The following ZNF845 variants were observed in gnomAD, a reference collection of about 807,000 sequenced individuals.
The protein encoded by ZNF845 is zinc finger protein 845.
In ZNF845, 59 loss-of-function variants were observed where a neutral mutation model predicts 76.1. The ratio of observed to expected loss-of-function variants is 0.78; its 90% CI spans 0.63 to 0.96. ZNF845 has a LOEUF of 0.96. Ranked by LOEUF, ZNF845 falls within the 40% of genes least tolerant of loss-of-function variation. The probability of loss-of-function intolerance (pLI) is 0.00; values close to 1 mark genes in which losing one functional copy is unlikely to be tolerated. For synonymous variants in ZNF845, 361 were observed against 386.9 expected, an observed-to-expected ratio of 0.93 and a Z score of 0.78; for missense variants, 1,045 against 1,172.8, an observed-to-expected ratio of 0.89 and a Z score of 1.59.
rs543460835 is a variant in ZNF845 at position 53,351,113 on chromosome 19, G to C, written c.438G>C (p.Ser146=). Residue 146 remains serine (S), a synonymous_variant, in exon 4 of 4, where the codon TCG becomes TCC. Coordinates refer to ENST00000458035, the MANE Select transcript of ZNF845 (RefSeq NM_138374.3). ...ATCAGCTTGGATCAAGCTTTCATTCGCATCTGCCTGAACTCCACATGTTTC... is the reference window on the plus strand; with the variant it reads ...ATCAGCTTGGATCAAGCTTTCATTCCCATCTGCCTGAACTCCACATGTTTC... ...IKDQLGSSFH[S]HLPELHMFQT... The C allele has an allele frequency of 1.2e-6, 2 of 1,614,178 alleles. No individual in the cohort carries two copies. Among genetic ancestry groups the C allele is most frequent in the South Asian group, 2.2e-5 (2 of 91,082 alleles).
intron 1 of ZNF845, chr19:53,340,824 C>T (rs2085251091): frequency 2.8e-6 from 1 of 358,862 alleles, no homozygotes; most frequent in Non-Finnish European, 5.0e-6. Flanking sequence ...TCTGCTCCAG[C>T]CATGCAGGCG....
At chr19:53,337,876 T>A (rs529305705) in intron 1 of ZNF845, among the ~76,000 whole-genome samples, 6 of 152,256 alleles carry the variant, frequency 3.9e-5, no homozygotes, top group Non-Finnish European at 5.9e-5. Context: ...AATTTTTGTA[T>A]TTTTAGTAGA....
intron 1 of ZNF845, among the ~76,000 whole-genome samples, chr19:53,336,843 C>G (rs2085218791): frequency 6.6e-6 from 1 of 152,166 alleles, no homozygotes. Context: ...TTAGTTGCGT[C>G]CAGTTCAGAT....
At position 53,333,823 on chromosome 19, in the gene ZNF845, G is replaced by A. The variant is rs146997345; in HGVS notation, c.-74+31G>A. 357 of 158,384 alleles carry A rather than the reference G, an allele frequency of 2.3e-3. 3 individuals are homozygous for A. Among genetic ancestry groups the A allele is most frequent in the Middle Eastern group, 7.0e-3 (3 of 430 alleles). 9.8% of individuals were successfully genotyped at this position (158,384 alleles called of 1,614,324 possible). A position where few individuals can be genotyped will look rare whatever the true frequency, so the allele number is the denominator to read the frequency against. On this transcript the variant is annotated intron_variant, in intron 1 of 3. Transcript: ENST00000458035. ...TTTTGCTCTGTGTTGTGTTAAGTCTGCGCTTCCCAAGTCCCCGGCGCTTCT... is the reference window on the plus strand; with the variant it reads ...TTTTGCTCTGTGTTGTGTTAAGTCTACGCTTCCCAAGTCCCCGGCGCTTCT...
intron 1 of ZNF845, among the ~76,000 whole-genome samples, chr19:53,336,537 TGA>T (rs1312949898): frequency 1.3e-5 from 2 of 151,330 alleles, no homozygotes; most frequent in Non-Finnish European, 2.9e-5. Context: ...CACCAAAAAA[TGA>T]AAGCAAAAGG....
At chr19:53,335,643 C>G (rs1203905020) in intron 1 of ZNF845, among the ~76,000 whole-genome samples, 2 of 150,890 alleles carry the variant, frequency 1.3e-5, no homozygotes, top group African/African-American at 4.9e-5. Context: ...TCACTCTTGT[C>G]CAGGATGGAG....
chr19:53,336,721 G>GATGCATTTGCAGC (rs916664796), intron 1 of ZNF845, among the ~76,000 whole-genome samples: 26 of 134,200 alleles, frequency 1.9e-4, no homozygotes, highest in Middle Eastern at 9.6e-3. Context: ...ACTTCTGAAA[G>GATGCATTTGCAGC]ATGCATTTGC....
chr19:53,339,111 T>C (rs1368115791), intron 1 of ZNF845, among the ~76,000 whole-genome samples: 2 of 151,830 alleles, frequency 1.3e-5, no homozygotes, highest in Non-Finnish European at 2.9e-5. Flanking sequence ...AATAAATAAA[T>C]AAATGTGCTA....
At chr19:53,339,507 A>T (rs2085241283) in intron 1 of ZNF845, among the ~76,000 whole-genome samples, 1 of 152,002 alleles carries the variant, frequency 6.6e-6, no homozygotes, top group African/African-American at 2.4e-5. Context: ...CTGTTCTGAC[A>T]CTCATTGCCT....
At position 53,354,498 on chromosome 19, in the gene ZNF845, A is replaced by C. The variant is rs2085370775; in HGVS notation, c.*910A>C. 6.1e-6 allele frequency: 1 copy of C among 163,384 alleles called. No individual in the cohort carries two copies. The highest frequency in any genetic ancestry group is 1.3e-5 in the Non-Finnish European group (1 of 75,000). The allele number at this position is 163,384 out of a possible 1,614,324, so 10.1% of individuals were successfully genotyped here. A position where few individuals can be genotyped will look rare whatever the true frequency, so the allele number is the denominator to read the frequency against. ...CCAGACTGGCCAACAGACATGAGTC[A>C]CTTTTCCCACCCTGTATTTTGTTTC... is the stretch of plus-strand genomic sequence containing the variant. On this transcript the variant is annotated 3_prime_UTR_variant, in exon 4 of 4. Transcript: ENST00000458035.
chr19:53,350,706 T>A (rs1252444983), intron 3 of ZNF845, 112 bp from the exon 4 acceptor site: 2 of 1,381,974 alleles, frequency 1.4e-6, no homozygotes, highest in East Asian at 2.4e-5. Flanking sequence ...ACTTTCAAGA[T>A]AATGTTTGGG....
Position 53,341,334 on chromosome 19 carries a change from T to C in ZNF845, c.15+12T>C, listed in dbSNP as rs760417602. 1.2e-6 allele frequency: 2 copies of C among 1,613,568 alleles called. No homozygotes were observed. The highest frequency in any genetic ancestry group is 2.7e-5 in the African/African-American group (2 of 74,806). On this transcript the variant is annotated intron_variant, in intron 2 of 3. Coordinates refer to ENST00000458035, the MANE Select transcript of ZNF845 (RefSeq NM_138374.3). ...TGGCTCTTTCTCAGGTGAGATGATA[T>C]GTTGGGTGGATTGTTCTGTCTCCTT...
Position 53,352,703 on chromosome 19 carries a change from A to C in ZNF845, c.2028A>C (p.Ser676=). 2 of 1,614,066 alleles carry C rather than the reference A, an allele frequency of 1.2e-6. No individual in the cohort carries two copies. Among genetic ancestry groups the C allele is most frequent in the South Asian group, 2.2e-5 (2 of 91,070 alleles). ...NECGKTFSRK[S]YLTCHRRLHT... ...GTGGCAAGACCTTTAGTCGGAAGTC[A>C]TACCTTACATGCCATCGTAGACTTC... Residue 676 remains serine, a synonymous_variant, in exon 4 of 4, where the codon TCA becomes TCC. Transcript: ENST00000458035.
chr19:53,351,204 T>G lies in ZNF845; in HGVS notation c.529T>G (p.Ser177Ala). 1 of 1,614,218 alleles carries G rather than the reference T, an allele frequency of 6.2e-7. No homozygotes were observed. The highest frequency in any genetic ancestry group is 8.5e-7 in the Non-Finnish European group (1 of 1,180,040). ...SINSASLVST[S>A]QRISCRPKTH... Reference sequence around the variant, plus strand: ...CAACAGTGCTTCGTTGGTTTCAACATCCCAAAGAATTTCTTGTAGGCCTAA... The same window carrying G: ...CAACAGTGCTTCGTTGGTTTCAACAGCCCAAAGAATTTCTTGTAGGCCTAA... The change falls in exon 4 of 4, where the codon TCC becomes GCC. Residue 177 changes from serine to alanine, a missense_variant. By Grantham distance (99) the Ser-to-Ala change is moderately conservative. Transcript: ENST00000458035.
intron 1 of ZNF845, among the ~76,000 whole-genome samples, chr19:53,340,594 A>G (rs112165209): frequency 3.3e-5 from 5 of 152,314 alleles, no homozygotes; most frequent in African/African-American, 1.2e-4. Context: ...AAATCTCAGC[A>G]TGCTTTTAAA....
At chr19:53,348,292 CT>C (rs1379580071) in intron 3 of ZNF845, among the ~76,000 whole-genome samples, 1 of 152,178 alleles carries the variant, frequency 6.6e-6, no homozygotes, top group African/African-American at 2.4e-5. Flanking sequence ...AAGGTAGTAG[CT>C]TAAACTGGGA....
intron 2 of ZNF845, 126 bp downstream of exon 2, chr19:53,341,448 C>T: frequency 7.2e-7 from 1 of 1,394,386 alleles, no homozygotes; most frequent in Non-Finnish European, 1.0e-6. Flanking sequence ...TCACCCATGC[C>T]TTCCCTCAGT....
chr19:53,355,699 G>A lies in ZNF845; in HGVS notation c.*2111G>A, dbSNP rs2085381339. On this transcript the variant is annotated 3_prime_UTR_variant, in exon 4 of 4. Transcript: ENST00000458035. The stretch of plus-strand genomic sequence containing the variant: ...CAGCCAGTATTTATTGAATATCAGG[G>A]GTGAGAGCATTCTTGCATCATGTGA... The A allele has an allele frequency of 6.6e-6, 1 of 152,022 alleles. No individual in the cohort carries two copies. Among genetic ancestry groups the A allele is most frequent in the Non-Finnish European group, 1.5e-5 (1 of 68,026 alleles). The allele number at this position is 152,022 out of a possible 1,614,324, so 9.4% of individuals were successfully genotyped here.
At chr19:53,349,072 C>T (rs1336978164) in intron 3 of ZNF845, among the ~76,000 whole-genome samples, 2 of 151,848 alleles carry the variant, frequency 1.3e-5, no homozygotes, top group Admixed American at 6.6e-5. Flanking sequence ...ATTGGCCAGG[C>T]TGCTCTTGAA....
Sources: gnomAD v4.1 joint callset for allele counts (sites outside exome capture counted in the v4.1 genomes callset) on GRCh38, gnomAD v4.1.1 for gene constraint, MANE v1.5 for transcripts, NCBI Gene and HGNC (gene_info 2026-07-23, HGNC 2026-07-21) for gene names.